Variants in EPG5 observed in about 807,000 individuals in gnomAD.
EPG5 encodes ectopic P-granules 5 autophagy tethering factor.
In EPG5, 159 loss-of-function variants were observed where a neutral mutation model predicts 302.7. The observed-to-expected ratio is 0.53, with a 90% CI of 0.46 to 0.60. The LOEUF is 0.60. EPG5 is among the 20% of genes least tolerant of loss of function. The pLI, the probability that EPG5 is intolerant of heterozygous loss-of-function variation, is 0.00. For synonymous variants in EPG5, 1,158 were observed against 1,136.8 expected (o/e 1.02, Z -0.37); for missense variants, 2,896 against 3,092.4 (o/e 0.94, Z 1.51).
chr18:45,818,558 T>C, the EPG5 span, among the ~76,000 whole-genome samples: 21 of 152,300 alleles, frequency 1.4e-4, no homozygotes, highest in Non-Finnish European at 2.5e-4. Context: ...TGCAATTCTT[T>C]AGTTACCATT....
chr18:45,876,271 G>C lies in EPG5; in HGVS notation c.6014C>G (p.Thr2005Ser). 1 of 1,613,970 alleles carries C rather than the reference G, an allele frequency of 6.2e-7. No individual in the cohort carries two copies. Among genetic ancestry groups the C allele is most frequent in the Non-Finnish European group, 8.5e-7 (1 of 1,179,874 alleles). ...CTCATGCAGTGAGTCAATACAGTCAGTGAACAGCTGCACAATGCTTGAGGC... is the reference window on the plus strand; with the variant it reads ...CTCATGCAGTGAGTCAATACAGTCACTGAACAGCTGCACAATGCTTGAGGC... ...VVASSIVQLF[T>S]DCIDSLHESF... Residue 2005 changes from threonine (T) to serine (S), a missense_variant, in exon 35 of 44, where the codon ACT (threonine) becomes AGT (serine). Transcript: ENST00000282041.
At position 45,961,686 on chromosome 18, in the gene EPG5, C is replaced by A. The variant is rs181404089; in HGVS notation, c.63+5491G>T. 8.5e-5 allele frequency among the ~76,000 whole-genome samples: 13 copies of A among 152,114 alleles called. No homozygotes were observed. In the East Asian group the frequency reaches 2.3e-3, roughly 27 times the overall value. On this transcript the variant is annotated intron_variant, in intron 1 of 43. Coordinates refer to ENST00000282041, the MANE Select transcript of EPG5 (RefSeq NM_020964.3). ...GACCAGCCTGGCCAACATGGCAAAA[C>A]CTCTACTAAAAGTAAAAAAACATTA...
chr18:45,910,189 A>G lies in EPG5; in HGVS notation c.4205+332T>C, dbSNP rs139253740. On this transcript the variant is annotated intron_variant, in intron 23 of 43. Coordinates refer to ENST00000282041, the MANE Select transcript of EPG5 (RefSeq NM_020964.3). The stretch of plus-strand genomic sequence containing the variant: ...TTTTTTGTAGAGATAGGGTCTCACT[A>G]TGTTGCCCAGGCTGTCTAGCAGGCT... Among the ~76,000 whole-genome samples the G allele has an allele frequency of 5.8e-3, 874 of 151,668 alleles. 16 individuals are homozygous for G. The highest frequency in any genetic ancestry group is 0.02 in the African/African-American group (844 of 41,328).
intron 15 of EPG5, 67 bp from the exon 16 acceptor site, chr18:45,922,667 C>G (rs988498805): frequency 1.9e-6 from 3 of 1,555,504 alleles, no homozygotes; most frequent in African/African-American, 2.7e-5. Context: ...CTCATACACT[C>G]ATCTCCTTTT....
chr18:45,838,891 G>A, the EPG5 span: 1 of 1,596,044 alleles, frequency 6.3e-7, no homozygotes, highest in Non-Finnish European at 8.5e-7. Flanking sequence ...CCTAGTGACC[G>A]CCGAACTGCC....
In EPG5 at chr18:45,949,509, C is replaced by G; in HGVS notation, c.1472G>C (p.Ser491Thr). The G allele has an allele frequency of 6.2e-7, 1 of 1,612,130 alleles. No homozygotes were observed. The highest frequency in any genetic ancestry group is 1.1e-5 in the South Asian group (1 of 90,880). The change falls in exon 5 of 44, where the codon AGT (serine) becomes ACT (threonine). Residue 491 changes from serine to threonine, a missense_variant. Transcript: ENST00000282041. ...CTGGATAAAAGGAACAGCCCATTTA[C>G]TAACACCAGCGGGGCATCGAAGAAT... ...NHILRCPAGVSKWAVPFIQIK... is the reference protein window; with the variant it reads ...NHILRCPAGVTKWAVPFIQIK...
intron 2 of EPG5, chr18:45,953,519 C>T: frequency 1.0e-6 from 1 of 985,404 alleles, no homozygotes; most frequent in Non-Finnish European, 1.2e-6. Flanking sequence ...AATATCCCCT[C>T]CAGCTTCCCT....
chr18:45,955,146 T>G lies in EPG5; in HGVS notation c.256A>C (p.Thr86Pro). The G allele has an allele frequency of 6.2e-7, 1 of 1,614,034 alleles. No homozygotes were observed. Among genetic ancestry groups the G allele is most frequent in the Non-Finnish European group, 8.5e-7 (1 of 1,179,984 alleles). Residue 86 changes from threonine (T) to proline (P), a missense_variant, in exon 2 of 44, where the codon ACC becomes CCC. By Grantham distance (38) the Thr-to-Pro change is conservative. Transcript: ENST00000282041. ...NESEMFDVPLTSLTISNEESL... is the reference protein window; with the variant it reads ...NESEMFDVPLPSLTISNEESL... ...TCTTCATTGCTTATAGTTAAGGAGGTGAGTGGTACATCAAACATTTCACTC... is the reference window on the plus strand; with the variant it reads ...TCTTCATTGCTTATAGTTAAGGAGGGGAGTGGTACATCAAACATTTCACTC...
chr18:45,888,356 T>G lies in EPG5; in HGVS notation c.4953-449A>C, dbSNP rs1259875177. ...TCTCACTCTGTCACCCAGGCTGGAG[T>G]GCAATGGCGCAATCTCAGCTCACTG... On this transcript the variant is annotated intron_variant, in intron 28 of 43. Transcript: ENST00000282041. Among the ~76,000 whole-genome samples the G allele has an allele frequency of 1.3e-5, 2 of 152,138 alleles. 1 individual carries two copies.
the EPG5 span, chr18:45,839,034 C>A: frequency 6.4e-7 from 1 of 1,568,100 alleles, no homozygotes; most frequent in Non-Finnish European, 8.6e-7. Flanking sequence ...TCGGCGCTCT[C>A]GGCTTCAAGG....
intron 22 of EPG5, among the ~76,000 whole-genome samples, chr18:45,912,076 TG>T (rs541425515): frequency 5.3e-4 from 81 of 152,232 alleles, no homozygotes; most frequent in African/African-American, 1.6e-3. Flanking sequence ...ACACTGGTCA[TG>T]GAAGATGGTA....
chr18:45,931,618 T>G (rs75839370), intron 11 of EPG5, among the ~76,000 whole-genome samples: 22,674 of 152,102 alleles, frequency 0.15, 2,393 homozygotes, highest in East Asian at 0.29. Context: ...GCAGATCACT[T>G]GAAGTCAGGA....
At chr18:45,951,920 T>C (rs1390580897) in intron 3 of EPG5, among the ~76,000 whole-genome samples, 1 of 152,216 alleles carries the variant, frequency 6.6e-6, no homozygotes, top group Non-Finnish European at 1.5e-5. Context: ...TTAATATTCA[T>C]GTCATAAAGA....
intron 10 of EPG5, among the ~76,000 whole-genome samples, chr18:45,937,235 T>TACACACACACAC (rs57593059): frequency 2.2e-5 from 3 of 136,822 alleles, no homozygotes; most frequent in Non-Finnish European, 3.1e-5. Context: ...TACATATATA[T>TACACACACACAC]ACACACACAC....
chr18:45,922,368 G>T lies in EPG5; in HGVS notation c.3071C>A (p.Ala1024Asp). The T allele has an allele frequency of 6.2e-7, 1 of 1,614,190 alleles. No homozygotes were observed. The highest frequency in any genetic ancestry group is 1.3e-5 in the African/African-American group (1 of 75,056). The change falls in exon 16 of 44, where the codon GCC becomes GAC. Residue 1024 changes from alanine (A) to aspartate (D), a missense_variant. This residue lies in a region of EPG5 where 1,390 missense variants were observed against 1,430.0 expected (regional missense o/e 0.97). Coordinates refer to ENST00000282041, the MANE Select transcript of EPG5 (RefSeq NM_020964.3). ...GTGGCCCACAGCTGTCATAGATAAG[G>T]CTAGATAACAGCCAATGGGCATGCC... ...KAGMPIGCYLALSMTAVGHSI... is the reference protein window; with the variant it reads ...KAGMPIGCYLDLSMTAVGHSI...
chr18:45,944,004 C>T lies in EPG5; in HGVS notation c.1792+1G>A. On this transcript the variant is annotated splice_donor_variant, in intron 8 of 43. Coordinates refer to ENST00000282041, the MANE Select transcript of EPG5 (RefSeq NM_020964.3). LOFTEE classifies it high-confidence loss of function. ...TTTACACTTAAGAGAAATGAGTCTA[C>T]CTTTTGCTTTAAACCCAAGAAGATG... is the stretch of plus-strand genomic sequence containing the variant. The T allele has an allele frequency of 6.3e-7, 1 of 1,589,668 alleles. No individual in the cohort carries two copies. The highest frequency in any genetic ancestry group is 8.6e-7 in the Non-Finnish European group (1 of 1,157,884).
chr18:45,820,804 TTA>T, the EPG5 span, among the ~76,000 whole-genome samples: 4 of 152,192 alleles, frequency 2.6e-5, no homozygotes, highest in Non-Finnish European at 5.9e-5. Context: ...CTTGTGCAGG[TTA>T]TATACCACAT....
intron 22 of EPG5, among the ~76,000 whole-genome samples, chr18:45,911,584 G>T (rs1420983925): frequency 6.6e-6 from 1 of 152,046 alleles, no homozygotes; most frequent in Non-Finnish European, 1.5e-5. Context: ...GAGCCACCGC[G>T]CCTGGCCGTG....
the EPG5 span, among the ~76,000 whole-genome samples, chr18:45,823,317 T>C: frequency 3.5e-4 from 53 of 152,258 alleles, no homozygotes; most frequent in African/African-American, 1.3e-3. Flanking sequence ...TGCATGATCA[T>C]ATTTTCACTT....
Sources: allele counts gnomAD v4.1 joint callset (sites outside exome capture counted in the v4.1 genomes callset), GRCh38; gene constraint gnomAD v4.1.1; regional missense constraint gnomAD v4.1.1; transcripts MANE v1.5; gene names NCBI Gene and HGNC (gene_info 2026-07-23, HGNC 2026-07-21).